Variants in SNAP29 observed in about 807,000 individuals in gnomAD.
SNAP29 encodes synaptosome associated protein 29.
Under a neutral mutation model 27.9 loss-of-function variants are expected in SNAP29, and 13 were observed. The observed-to-expected ratio is 0.47, with a 90% confidence interval of 0.30 to 0.74. The LOEUF (loss-of-function observed/expected upper bound fraction) is 0.74. SNAP29 is among the 30% of genes least tolerant of loss of function. SNAP29 has a pLI of 0.06. For synonymous variants in SNAP29, 119 were observed against 127.1 expected, an observed-to-expected ratio of 0.94 and a Z score of 0.43; for missense variants, 368 against 336.5, an observed-to-expected ratio of 1.09 and a Z score of -0.73.
At chr22:20,873,225 G>A (rs1163286387) in intron 2 of SNAP29, among the ~76,000 whole-genome samples, 2 of 151,498 alleles carry the variant, frequency 1.3e-5, no homozygotes, top group East Asian at 3.9e-4. Flanking sequence ...TGGCCAGGTT[G>A]GTCTTGAACT....
At chr22:20,865,633 C>T (rs1928440556) in intron 1 of SNAP29, among the ~76,000 whole-genome samples, 1 of 152,196 alleles carries the variant, frequency 6.6e-6, no homozygotes, top group South Asian at 2.1e-4. Context: ...GTTCCCAAGA[C>T]TACCCTCAAC....
chr22:20,874,323 C>CACAG lies in SNAP29; in HGVS notation c.434+3793_434+3794insGACA, dbSNP rs562968318. ...ACACACACAGACACACACAGACACACACACACACACACACACGAAAATTAG... is the reference window on the plus strand; with the variant it reads ...ACACACACAGACACACACAGACACACACAGACACACACACACACACGAAAATTAG... On this transcript the variant is annotated intron_variant, in intron 2 of 4. Transcript: ENST00000215730. Among the ~76,000 whole-genome samples the CACAG allele has an allele frequency of 2.7e-3, 398 of 146,560 alleles. 3 individuals are homozygous for CACAG. The highest frequency in any genetic ancestry group is 0.018 in the Middle Eastern group (5 of 280).
At chr22:20,877,237 A>G (rs891931658) in intron 2 of SNAP29, among the ~76,000 whole-genome samples, 8 of 152,126 alleles carry the variant, frequency 5.3e-5, no homozygotes, top group Admixed American at 3.9e-4. Flanking sequence ...CCTAGCCAAC[A>G]TGATGAAACC....
At chr22:20,864,738 A>G (rs1928417911) in intron 1 of SNAP29, among the ~76,000 whole-genome samples, 1 of 152,264 alleles carries the variant, frequency 6.6e-6, no homozygotes, top group Non-Finnish European at 1.5e-5. Context: ...CACGCTTCTC[A>G]GCACAATGTC....
rs1929059830 is a variant in SNAP29 at position 20,887,959 on chromosome 22, GAGT to G, written c.*126_*128del. On this transcript the variant is annotated 3_prime_UTR_variant, in exon 5 of 5. Coordinates refer to ENST00000215730, the MANE Select transcript of SNAP29 (RefSeq NM_004782.4). ...ATGTGTGTTTGCAAATGTTATAATA[GAGT>G]AGGTCTTAAGACATTTTTGCTGTTA... The G allele has an allele frequency of 3.0e-6, 3 of 987,200 alleles. No homozygotes were observed. The highest frequency in any genetic ancestry group is 3.0e-4 in the Middle Eastern group (1 of 3,342). The allele number at this position is 987,200 out of a possible 1,614,324, so 61.2% of individuals were successfully genotyped here. A position where few individuals can be genotyped will look rare whatever the true frequency, so the allele number is the denominator to read the frequency against.
chr22:20,883,686 C>T, intron 4 of SNAP29, 117 bp downstream of exon 4: 1 of 741,130 alleles, frequency 1.3e-6, no homozygotes, highest in South Asian at 1.4e-5. Flanking sequence ...ACATCACATC[C>T]CACGCCAAGC....
chr22:20,886,357 G>C (rs1415288570), intron 4 of SNAP29, among the ~76,000 whole-genome samples: 3 of 151,988 alleles, frequency 2.0e-5, no homozygotes, highest in African/African-American at 4.8e-5. Context: ...GCCCAGGCTA[G>C]AGTGCAGTGG....
chr22:20,886,610 A>C (rs147722720), intron 4 of SNAP29, among the ~76,000 whole-genome samples: 1 of 148,428 alleles, frequency 6.7e-6, no homozygotes, highest in Non-Finnish European at 1.5e-5. Context: ...CACTCAGCCT[A>C]TCTTTTTATT....
chr22:20,860,666 G>T (rs772172238), intron 1 of SNAP29, among the ~76,000 whole-genome samples: 3 of 151,906 alleles, frequency 2.0e-5, no homozygotes, highest in Non-Finnish European at 4.4e-5. Context: ...CCACCATACC[G>T]GTCGAGAATG....
At chr22:20,870,037 G>A (rs1928549743) in intron 1 of SNAP29, among the ~76,000 whole-genome samples, 3 of 152,072 alleles carry the variant, frequency 2.0e-5, no homozygotes, top group Admixed American at 2.0e-4. Context: ...CCAAAATGCT[G>A]GGATTACGGG....
intron 2 of SNAP29, chr22:20,870,777 A>G (rs1928572204): frequency 5.2e-6 from 3 of 579,010 alleles, no homozygotes; most frequent in Admixed American, 2.8e-5. Context: ...ACTACTTTGA[A>G]AGAGAGGGTG....
chr22:20,875,453 G>A lies in SNAP29; in HGVS notation c.434+4920G>A, dbSNP rs563872408. Among the ~76,000 whole-genome samples, 12 of 152,322 alleles carry A rather than the reference G, an allele frequency of 7.9e-5. 1 individual carries two copies. In the South Asian group the frequency reaches 2.3e-3, roughly 29 times the overall value. ...CAGTCTGTCTGTTGGAAGATATGGGGGAGGCAGACAGTCCACAGGGATGCA... is the reference window on the plus strand; with the variant it reads ...CAGTCTGTCTGTTGGAAGATATGGGAGAGGCAGACAGTCCACAGGGATGCA... On this transcript the variant is annotated intron_variant, in intron 2 of 4. Coordinates refer to ENST00000215730, the MANE Select transcript of SNAP29 (RefSeq NM_004782.4).
chr22:20,873,302 C>A (rs1049213508), intron 2 of SNAP29, among the ~76,000 whole-genome samples: 1 of 152,034 alleles, frequency 6.6e-6, no homozygotes, highest in Non-Finnish European at 1.5e-5. Flanking sequence ...TGAGCCACCA[C>A]ACCTAACTGC....
chr22:20,881,804 A>C (rs1002370658), intron 3 of SNAP29, among the ~76,000 whole-genome samples: 2 of 152,236 alleles, frequency 1.3e-5, no homozygotes, highest in African/African-American at 4.8e-5. Context: ...CCCCTTGGTA[A>C]ATAGAATACT....
Position 20,870,447 on chromosome 22 carries a change from T to TGGG in SNAP29, c.352_354dup (p.Gly118dup). The TGGG allele has an allele frequency of 6.2e-7, 1 of 1,614,122 alleles. No individual in the cohort carries two copies. Among genetic ancestry groups the TGGG allele is most frequent in the Non-Finnish European group, 8.5e-7 (1 of 1,180,008 alleles). On this transcript the variant is annotated inframe_insertion, in exon 2 of 5. Transcript: ENST00000215730. ...ACATCAATAGCATTAAGAGCGTGTT[T>TGGG]GGGGGGCTGGTCAATTACTTCAAAT...
chr22:20,883,654 C>G (rs762405738), intron 4 of SNAP29, 85 bp downstream of exon 4: 6 of 860,788 alleles, frequency 7.0e-6, no homozygotes, highest in South Asian at 1.3e-5. Flanking sequence ...TGAGCATCCT[C>G]CAGCTTCAGT....
Position 20,883,077 on chromosome 22 carries a change from T to C in SNAP29, c.521-394T>C, listed in dbSNP as rs142653866. On this transcript the variant is annotated intron_variant, in intron 3 of 4. Transcript: ENST00000215730. Reference sequence around the variant, plus strand: ...TTTCAGAAAGAAACGAAATTACCCATAATTCCATTTATGTAACGTAACAAT... The same window carrying C: ...TTTCAGAAAGAAACGAAATTACCCACAATTCCATTTATGTAACGTAACAAT... Among the ~76,000 whole-genome samples, 249 of 151,990 alleles carry C rather than the reference T, an allele frequency of 1.6e-3. 1 individual carries two copies. Among genetic ancestry groups the C allele is most frequent in the African/African-American group, 5.9e-3 (244 of 41,460 alleles).
chr22:20,861,222 A>G (rs1375998985), intron 1 of SNAP29, among the ~76,000 whole-genome samples: 1 of 145,084 alleles, frequency 6.9e-6, no homozygotes, highest in Non-Finnish European at 1.5e-5. Flanking sequence ...GGTTCAAGTG[A>G]TTCTCCTGCC....
chr22:20,881,301 T>A (rs1043266178), intron 3 of SNAP29, among the ~76,000 whole-genome samples, 167 bp downstream of exon 3: 1 of 152,208 alleles, frequency 6.6e-6, no homozygotes, highest in Non-Finnish European at 1.5e-5. Context: ...CCCCGCATGC[T>A]CTTGCGGAGC....
Sources: gnomAD v4.1 joint callset for allele counts (sites outside exome capture counted in the v4.1 genomes callset) on GRCh38, gnomAD v4.1.1 for gene constraint, MANE v1.5 for transcripts, NCBI Gene and HGNC (gene_info 2026-07-23, HGNC 2026-07-21) for gene names.